WWOX: variants seen among roughly 807,000 people sequenced by gnomAD.
WWOX encodes the protein WW domain containing oxidoreductase, also known as WW domain-containing oxidoreductase.
A neutral mutation model predicts 46.2 loss-of-function variants in WWOX; 69 were observed. The observed-to-expected ratio is 1.49, with a 90% confidence interval of 1.23 to 1.82. WWOX has a LOEUF of 1.82. Among genes scored for constraint, WWOX ranks in the 40% most tolerant of loss-of-function variants. The pLI is 0.00. For missense variants in WWOX, 919 were observed against 542.6 expected (o/e 1.69, Z -6.89); for synonymous variants, 359 against 202.6 (o/e 1.77, Z -6.56).
At chr16:78,830,514 C>A (rs1237617224) in intron 8 of WWOX, among the ~76,000 whole-genome samples, 1 of 151,880 alleles carries the variant, frequency 6.6e-6, no homozygotes, top group South Asian at 2.1e-4. Flanking sequence ...AACAAATTAC[C>A]CATTACCAGG....
intron 8 of WWOX, among the ~76,000 whole-genome samples, chr16:79,005,696 T>G (rs979952643): frequency 4.6e-5 from 7 of 152,156 alleles, no homozygotes; most frequent in Admixed American, 1.3e-4. Context: ...AGTCCTTGGA[T>G]TTAGAGCCCA....
chr16:79,188,769 A>G (rs549509406), intron 8 of WWOX, among the ~76,000 whole-genome samples: 3 of 152,224 alleles, frequency 2.0e-5, no homozygotes, highest in Admixed American at 1.3e-4. Context: ...CGAAATCCAC[A>G]TTCTTCCCTA....
intron 8 of WWOX, among the ~76,000 whole-genome samples, chr16:78,586,032 T>C (rs1354864317): frequency 6.6e-6 from 1 of 151,672 alleles, no homozygotes; most frequent in Non-Finnish European, 1.5e-5. Context: ...ATGTCATCTC[T>C]ACCAAAAAAC....
At chr16:78,568,031 A>G (rs1362087131) in intron 8 of WWOX, among the ~76,000 whole-genome samples, 1 of 152,214 alleles carries the variant, frequency 6.6e-6, no homozygotes, top group African/African-American at 2.4e-5. Flanking sequence ...TGAAGGCGGC[A>G]GGAGTCTTTG....
intron 5 of WWOX, among the ~76,000 whole-genome samples, chr16:78,329,544 C>G (rs754289433): frequency 2.6e-5 from 4 of 152,158 alleles, no homozygotes; most frequent in African/African-American, 9.7e-5. Flanking sequence ...GCCTATGAGG[C>G]CAAGTTGCAA....
intron 8 of WWOX, among the ~76,000 whole-genome samples, chr16:78,625,853 AAAATTG>A (rs2046299604): frequency 1.4e-5 from 2 of 147,218 alleles, no homozygotes; most frequent in Non-Finnish European, 1.5e-5. Context: ...GCCGTTACTT[AAAATTG>A]CATTACTTAA....
chr16:78,734,315 A>C (rs1051676441), intron 8 of WWOX, among the ~76,000 whole-genome samples: 1 of 152,130 alleles, frequency 6.6e-6, no homozygotes, highest in African/African-American at 2.4e-5. Flanking sequence ...TCAGGAGGGT[A>C]GCCTCAGATA....
chr16:78,767,845 G>A (rs1046226849), intron 8 of WWOX, among the ~76,000 whole-genome samples: 3 of 152,134 alleles, frequency 2.0e-5, no homozygotes, highest in African/African-American at 7.2e-5. Context: ...GGCCGTTTGT[G>A]TATCTTCTTT....
chr16:79,103,268 TATTA>T (rs1206532089), intron 8 of WWOX, among the ~76,000 whole-genome samples: 2 of 152,244 alleles, frequency 1.3e-5, no homozygotes, highest in African/African-American at 4.8e-5. Context: ...AAGAGGCATC[TATTA>T]ATTTATGTAT....
intron 6 of WWOX, among the ~76,000 whole-genome samples, chr16:78,392,666 C>A (rs147775372): frequency 6.6e-6 from 1 of 152,136 alleles, no homozygotes; most frequent in African/African-American, 2.4e-5. Context: ...ACTCTTCTGT[C>A]TCCTGAGTTT....
intron 8 of WWOX, among the ~76,000 whole-genome samples, chr16:78,743,801 C>G (rs2049286087): frequency 6.6e-6 from 1 of 152,116 alleles, no homozygotes; most frequent in Admixed American, 6.5e-5. Context: ...CACAACCAAT[C>G]TGACTGATTG....
chr16:78,402,693 T>A (rs2082441861), intron 6 of WWOX, among the ~76,000 whole-genome samples: 2 of 152,124 alleles, frequency 1.3e-5, no homozygotes. Context: ...AGAGACAAGG[T>A]GTTACATGAC....
Position 79,049,362 on chromosome 16 carries a change from C to T in WWOX, c.1057-162246C>T, listed in dbSNP as rs563916013. ...CTGGGGCAAACACAGGGGATTTATTCGGCACAATTGAGTAATGTGGATGAG... is the reference window on the plus strand; with the variant it reads ...CTGGGGCAAACACAGGGGATTTATTTGGCACAATTGAGTAATGTGGATGAG... On this transcript the variant is annotated intron_variant, in intron 8 of 8. Coordinates refer to ENST00000566780, the MANE Select transcript of WWOX (RefSeq NM_016373.4). Among the ~76,000 whole-genome samples, 57 of 152,292 alleles carry T rather than the reference C, an allele frequency of 3.7e-4. 1 individual carries two copies. Among genetic ancestry groups the T allele is most frequent in the African/African-American group, 1.2e-3 (48 of 41,570 alleles).
chr16:78,922,069 TGTC>T (rs1331431229), intron 8 of WWOX, among the ~76,000 whole-genome samples: 2 of 152,284 alleles, frequency 1.3e-5, no homozygotes, highest in Middle Eastern at 3.4e-3. Context: ...CATGGAATAT[TGTC>T]AGACAGAGAA....
intron 8 of WWOX, among the ~76,000 whole-genome samples, chr16:78,916,122 C>G (rs947413748): frequency 3.3e-5 from 5 of 152,160 alleles, no homozygotes; most frequent in Non-Finnish European, 5.9e-5. Context: ...TACTCCCGCA[C>G]AGATAACCGT....
At chr16:78,710,507 A>AAAATATTTATATTTT (rs2048421660) in intron 8 of WWOX, among the ~76,000 whole-genome samples, 1 of 79,158 alleles carries the variant, frequency 1.3e-5, no homozygotes, top group African/African-American at 4.7e-5. Context: ...TATTTATATA[A>AAAATATTTATATTTT]ATATATTTTA....
intron 5 of WWOX, among the ~76,000 whole-genome samples, chr16:78,344,827 T>C (rs9940114): frequency 0.23 from 27,233 of 120,702 alleles, 8,762 homozygotes; most frequent in African/African-American, 0.37. Context: ...CAAGCTCTTG[T>C]TAATCTGTCA....
At chr16:78,182,933 A>G (rs2035578190) in intron 5 of WWOX, among the ~76,000 whole-genome samples, 1 of 148,364 alleles carries the variant, frequency 6.7e-6, no homozygotes, top group African/African-American at 2.5e-5. Flanking sequence ...CCTGGGTGAC[A>G]GAGCGAGAAT....
chr16:78,690,703 T>C (rs560199456), intron 8 of WWOX, among the ~76,000 whole-genome samples: 1 of 152,172 alleles, frequency 6.6e-6, no homozygotes, highest in African/African-American at 2.4e-5. Flanking sequence ...CTGGGTGCTT[T>C]CCAGTCACAG....
Sources: gnomAD v4.1 joint callset for allele counts (sites outside exome capture counted in the v4.1 genomes callset) on GRCh38, gnomAD v4.1.1 for gene constraint, MANE v1.5 for transcripts, NCBI Gene and HGNC (gene_info 2026-07-23, HGNC 2026-07-21) for gene names.